RABEP1: variants seen among roughly 807,000 people sequenced by gnomAD.
RABEP1 encodes the protein rabaptin, RAB GTPase binding effector protein 1, also known as rab GTPase-binding effector protein 1.
A neutral mutation model predicts 123.4 loss-of-function variants in RABEP1; 51 were observed. The ratio of observed to expected loss-of-function variants is 0.41; its 90% CI spans 0.33 to 0.52. RABEP1 has a LOEUF of 0.52. Among genes scored for constraint, RABEP1 ranks in the 20% least tolerant of loss-of-function variants. RABEP1 has a pLI of 0.16. For synonymous variants in RABEP1, 347 were observed against 355.2 expected (o/e 0.98, Z 0.26); for missense variants, 888 against 996.3 (o/e 0.89, Z 1.46).
At position 5,385,048 on chromosome 17, in the gene RABEP1, T is replaced by C; in HGVS notation, c.*1825T>C. 4.4e-6 allele frequency: 1 copy of C among 228,742 alleles called. No individual in the cohort carries two copies. 14.2% of individuals were successfully genotyped at this position (228,742 alleles called of 1,614,324 possible). ...TGAGACTGAGCACCTTACAGATATT[T>C]TTCTCCAGAAGATGGTGCTGGGTAA... On this transcript the variant is annotated 3_prime_UTR_variant, in exon 18 of 18. Transcript: ENST00000537505.
chr17:5,332,029 C>T lies in RABEP1; in HGVS notation c.244C>T (p.Gln82Ter). The change falls in exon 3 of 18, where the codon CAA becomes TAA. Residue 82 changes from glutamine to a stop codon, truncating the protein, a stop_gained. Coordinates refer to ENST00000537505, the MANE Select transcript of RABEP1 (RefSeq NM_004703.6). LOFTEE classifies it high-confidence loss of function. ...CCTTCGAACCCAGCTGTGGGAAGCTCAAGCAGAGATGGAGAATATTAAGGC... is the reference window on the plus strand; with the variant it reads ...CCTTCGAACCCAGCTGTGGGAAGCTTAAGCAGAGATGGAGAATATTAAGGC... ...GHLRTQLWEA[Q>*]AEMENIKAIA... 1 of 1,613,964 alleles carries T rather than the reference C, an allele frequency of 6.2e-7. No homozygotes were observed. Among genetic ancestry groups the T allele is most frequent in the Non-Finnish European group, 8.5e-7 (1 of 1,179,984 alleles).
intron 7 of RABEP1, among the ~76,000 whole-genome samples, chr17:5,353,925 C>T (rs972037478): frequency 6.6e-6 from 1 of 152,186 alleles, no homozygotes. Flanking sequence ...GTTGAGGCTG[C>T]AGTGAACCAT....
intron 2 of RABEP1, among the ~76,000 whole-genome samples, chr17:5,310,310 T>TTTTTTTTTC (rs2144526906): frequency 6.7e-6 from 1 of 148,844 alleles, no homozygotes; most frequent in African/African-American, 2.5e-5. Flanking sequence ...CCTTTTTTTT[T>TTTTTTTTTC]TTTTTTTTTG....
chr17:5,296,873 G>A (rs1392909648), intron 1 of RABEP1, among the ~76,000 whole-genome samples: 1 of 152,098 alleles, frequency 6.6e-6, no homozygotes, highest in African/African-American at 2.4e-5. Context: ...CTGAGCAGCT[G>A]GGACTACAGG....
rs556285566 is a variant in RABEP1 at position 5,375,440 on chromosome 17, C to T, written c.2026-1676C>T. ...GGTATGGTGGCTGAGGCCTGCAATCCTAGCACTTTGGGAGGCCAAGGCAGG... is the reference window on the plus strand; with the variant it reads ...GGTATGGTGGCTGAGGCCTGCAATCTTAGCACTTTGGGAGGCCAAGGCAGG... On this transcript the variant is annotated intron_variant, in intron 13 of 17. Transcript: ENST00000537505. 7.2e-5 allele frequency among the ~76,000 whole-genome samples: 11 copies of T among 152,208 alleles called. No homozygotes were observed. The East Asian group carries it at 1.9e-3, about 27-fold the overall frequency.
intron 15 of RABEP1, among the ~76,000 whole-genome samples, chr17:5,378,934 T>C (rs1911220705): frequency 6.6e-6 from 1 of 152,200 alleles, no homozygotes; most frequent in South Asian, 2.1e-4. Context: ...CCCTATGGTC[T>C]TTGACTCCTT....
chr17:5,308,923 T>G, intron 2 of RABEP1, 101 bp downstream of exon 2: 4 of 1,195,158 alleles, frequency 3.3e-6, no homozygotes, highest in Non-Finnish European at 4.6e-6. Context: ...AAACCTTGAT[T>G]TTATTTGTAC....
intron 1 of RABEP1, among the ~76,000 whole-genome samples, chr17:5,291,033 G>A (rs1326976365): frequency 1.3e-5 from 2 of 152,192 alleles, no homozygotes; most frequent in African/African-American, 4.8e-5. Context: ...CCTCAGGCCA[G>A]TTTTAGCTTA....
At chr17:5,335,890 G>C (rs1907032983) in intron 4 of RABEP1, among the ~76,000 whole-genome samples, 1 of 151,922 alleles carries the variant, frequency 6.6e-6, no homozygotes. Flanking sequence ...CCAGTTGAGT[G>C]GGTGTTGTTG....
At chr17:5,362,686 G>A (rs766299466) in intron 9 of RABEP1, among the ~76,000 whole-genome samples, 1 of 152,104 alleles carries the variant, frequency 6.6e-6, no homozygotes, top group Non-Finnish European at 1.5e-5. Context: ...GTGATGTTTT[G>A]TGCCTCTTGG....
chr17:5,302,460 C>T (rs1316891073), intron 1 of RABEP1, among the ~76,000 whole-genome samples: 1 of 151,846 alleles, frequency 6.6e-6, no homozygotes, highest in Admixed American at 6.6e-5. Flanking sequence ...AGGCTGGTCT[C>T]GAACTCCTGA....
intron 1 of RABEP1, among the ~76,000 whole-genome samples, chr17:5,283,500 G>A (rs186567622): frequency 1.3e-5 from 2 of 152,222 alleles, no homozygotes; most frequent in African/African-American, 4.8e-5. Flanking sequence ...GAAATAGTGT[G>A]CTTGGGCTTT....
intron 8 of RABEP1, chr17:5,360,972 TGAAGC>T: frequency 4.0e-6 from 2 of 502,234 alleles, no homozygotes; most frequent in African/African-American, 3.8e-5. Context: ...TTTTTTTTTT[TGAAGC>T]CGTATGTATC....
intron 8 of RABEP1, among the ~76,000 whole-genome samples, chr17:5,357,213 A>G (rs1038629727): frequency 1.3e-4 from 19 of 151,894 alleles, no homozygotes; most frequent in Admixed American, 9.8e-4. Flanking sequence ...GATTATAACT[A>G]CATAGTGTTT....
intron 2 of RABEP1, among the ~76,000 whole-genome samples, chr17:5,314,659 C>T (rs1272104956): frequency 6.6e-6 from 1 of 152,014 alleles, no homozygotes; most frequent in Non-Finnish European, 1.5e-5. Context: ...GCTGGGACTA[C>T]AGGCGCCCGC....
chr17:5,379,507 C>G (rs1364011079), intron 15 of RABEP1, among the ~76,000 whole-genome samples: 1 of 152,162 alleles, frequency 6.6e-6, no homozygotes, highest in Non-Finnish European at 1.5e-5. Flanking sequence ...TTGCCACAGT[C>G]TTGATCATCA....
chr17:5,369,793 T>C (rs1315851626), intron 12 of RABEP1, among the ~76,000 whole-genome samples: 2 of 151,906 alleles, frequency 1.3e-5, no homozygotes, highest in African/African-American at 4.8e-5. Flanking sequence ...CTCCTCCTCC[T>C]GGGTTCAAGT....
chr17:5,316,475 A>AAAAAG (rs58058931), intron 2 of RABEP1, among the ~76,000 whole-genome samples: 1 of 146,010 alleles, frequency 6.8e-6, no homozygotes, highest in Non-Finnish European at 1.5e-5. Context: ...AAAAAAAAAA[A>AAAAAG]GAACTGCTGG....
intron 2 of RABEP1, among the ~76,000 whole-genome samples, chr17:5,315,122 A>C (rs1320533342): frequency 6.6e-6 from 1 of 152,248 alleles, no homozygotes; most frequent in Middle Eastern, 3.2e-3. Flanking sequence ...TACGCTAACT[A>C]ATCAGAATTT....
Sources: allele counts gnomAD v4.1 joint callset (sites outside exome capture counted in the v4.1 genomes callset), GRCh38; gene constraint gnomAD v4.1.1; transcripts MANE v1.5; gene names NCBI Gene and HGNC (gene_info 2026-07-23, HGNC 2026-07-21).